Variants in SORCS3 observed in about 807,000 individuals in gnomAD.
SORCS3 encodes VPS10 domain-containing receptor SorCS3.
In SORCS3, 57 loss-of-function variants were observed where a neutral mutation model predicts 146.3. The observed-to-expected ratio is 0.39, with a 90% CI of 0.31 to 0.49. SORCS3 has a LOEUF of 0.49. Among genes scored for constraint, SORCS3 ranks in the 20% least tolerant of loss-of-function variants. The pLI is 0.92. For missense variants in SORCS3, 1,341 were observed against 1,575.5 expected (o/e 0.85, Z 2.52); for synonymous variants, 653 against 618.5 (o/e 1.06, Z -0.83).
chr10:104,721,451 G>T (rs578156313), intron 1 of SORCS3, among the ~76,000 whole-genome samples: 1 of 152,150 alleles, frequency 6.6e-6, no homozygotes, highest in African/African-American at 2.4e-5. Flanking sequence ...GATTGACTTG[G>T]CAATGCGGGC....
intron 2 of SORCS3, among the ~76,000 whole-genome samples, chr10:104,859,250 C>T (rs2018371886): frequency 1.3e-5 from 2 of 152,118 alleles, no homozygotes; most frequent in Admixed American, 1.3e-4. Context: ...ATAGAGCCTT[C>T]AGAAATAATG....
chr10:105,083,621 C>T (rs2055640086), intron 5 of SORCS3, among the ~76,000 whole-genome samples: 1 of 152,144 alleles, frequency 6.6e-6, no homozygotes, highest in South Asian at 2.1e-4. Context: ...TTCTTTTCTT[C>T]AGCCATGTTT....
intron 20 of SORCS3, among the ~76,000 whole-genome samples, chr10:105,239,912 A>G (rs1416769322): frequency 1.3e-5 from 2 of 152,236 alleles, no homozygotes; most frequent in African/African-American, 4.8e-5. Flanking sequence ...CCATGCTGCC[A>G]TAACAGCTGA....
chr10:105,170,995 A>G (rs1156293124), intron 13 of SORCS3, among the ~76,000 whole-genome samples: 1 of 152,080 alleles, frequency 6.6e-6, no homozygotes, highest in East Asian at 1.9e-4. Context: ...GTTCATTGCC[A>G]TTTTCTGTCA....
intron 7 of SORCS3, among the ~76,000 whole-genome samples, chr10:105,130,561 A>G (rs2056011431): frequency 6.6e-6 from 1 of 152,104 alleles, no homozygotes; most frequent in Admixed American, 6.6e-5. Context: ...CTCAGCATGC[A>G]TCTTCCTTTC....
At chr10:104,794,428 G>A (rs900160124) in intron 1 of SORCS3, among the ~76,000 whole-genome samples, 6 of 152,076 alleles carry the variant, frequency 3.9e-5, no homozygotes, top group Non-Finnish European at 7.4e-5. Flanking sequence ...AGCAATACAG[G>A]GAGTGCTGGG....
intron 2 of SORCS3, among the ~76,000 whole-genome samples, chr10:104,851,354 T>C (rs987946546): frequency 6.6e-6 from 1 of 152,312 alleles, no homozygotes; most frequent in Admixed American, 6.5e-5. Context: ...TATTTTATGT[T>C]GTATTCCCTT....
chr10:105,049,962 A>C (rs891238892), intron 5 of SORCS3, among the ~76,000 whole-genome samples: 19 of 152,058 alleles, frequency 1.2e-4, no homozygotes, highest in Non-Finnish European at 1.5e-5. Context: ...TTCTAAAGTA[A>C]AAGTTGACAT....
chr10:104,977,058 A>G (rs2054903219), intron 3 of SORCS3, among the ~76,000 whole-genome samples: 1 of 152,056 alleles, frequency 6.6e-6, no homozygotes. Flanking sequence ...TTGAAGTATA[A>G]TAATAAAAAA....
chr10:104,950,670 A>T (rs2019419375), intron 3 of SORCS3, among the ~76,000 whole-genome samples: 1 of 152,196 alleles, frequency 6.6e-6, no homozygotes, highest in South Asian at 2.1e-4. Context: ...GGCTTGGGGA[A>T]AAGCCACACT....
At chr10:104,653,386 T>G (rs2133241065) in intron 1 of SORCS3, among the ~76,000 whole-genome samples, 1 of 152,304 alleles carries the variant, frequency 6.6e-6, no homozygotes, top group Non-Finnish European at 1.5e-5. Context: ...CCTGTTTCCC[T>G]TCTGTCATCT....
chr10:104,664,380 T>G (rs1035416001), intron 1 of SORCS3, among the ~76,000 whole-genome samples: 1 of 152,230 alleles, frequency 6.6e-6, no homozygotes, highest in Non-Finnish European at 1.5e-5. Context: ...CGTTTAAGGA[T>G]GTGAAAATGC....
intron 1 of SORCS3, among the ~76,000 whole-genome samples, chr10:104,819,734 C>G (rs1257765177): frequency 2.0e-5 from 3 of 152,146 alleles, no homozygotes; most frequent in Non-Finnish European, 4.4e-5. Context: ...TAGAAGAAAA[C>G]TAGGGCCTGA....
At chr10:104,730,159 G>C (rs1408838036) in intron 1 of SORCS3, among the ~76,000 whole-genome samples, 1 of 152,194 alleles carries the variant, frequency 6.6e-6, no homozygotes, top group Non-Finnish European at 1.5e-5. Context: ...GTCAGAGCAT[G>C]TGAGATGTAT....
At chr10:104,683,249 A>G (rs2016001345) in intron 1 of SORCS3, among the ~76,000 whole-genome samples, 1 of 152,192 alleles carries the variant, frequency 6.6e-6, no homozygotes, top group Admixed American at 6.5e-5. Flanking sequence ...GGGGCACAGT[A>G]CTCAAATAGG....
chr10:104,734,546 G>A (rs1385613227), intron 1 of SORCS3, among the ~76,000 whole-genome samples: 2 of 152,244 alleles, frequency 1.3e-5, no homozygotes, highest in East Asian at 3.9e-4. Flanking sequence ...ACGACACTGT[G>A]CTGGTGCACA....
chr10:104,974,082 C>T (rs1183793791), intron 3 of SORCS3, among the ~76,000 whole-genome samples: 1 of 152,118 alleles, frequency 6.6e-6, no homozygotes, highest in Non-Finnish European at 1.5e-5. Context: ...AATTTCTGTT[C>T]TTTTACATTT....
intron 5 of SORCS3, among the ~76,000 whole-genome samples, chr10:105,056,656 T>C (rs2055447962): frequency 6.6e-6 from 1 of 152,228 alleles, no homozygotes. Flanking sequence ...TACTGACTTA[T>C]GACAGATGCA....
rs372458737 is a variant in SORCS3 at position 104,798,983 on chromosome 10, C to T, written c.628-43809C>T. Among the ~76,000 whole-genome samples, 10 of 152,276 alleles carry T rather than the reference C, an allele frequency of 6.6e-5. No individual in the cohort carries two copies. In the East Asian group the frequency reaches 1.5e-3, roughly 24 times the overall value. ...CTGGTCATTAGAGAAATAAAAACCA[C>T]AGTGAGAGATACTATCTCACGGTCA... On this transcript the variant is annotated intron_variant, in intron 1 of 26. Coordinates refer to ENST00000369701, the MANE Select transcript of SORCS3 (RefSeq NM_014978.3).
Sources: allele counts gnomAD v4.1 joint callset (sites outside exome capture counted in the v4.1 genomes callset), GRCh38; gene constraint gnomAD v4.1.1; transcripts MANE v1.5; gene names NCBI Gene and HGNC (gene_info 2026-07-23, HGNC 2026-07-21).